The following CELSR2 variants were observed in gnomAD, a reference collection of about 807,000 sequenced individuals.
CELSR2 encodes EGF-like protein 2.
In CELSR2, 81 loss-of-function variants were observed where a neutral mutation model predicts 251.6. That is an observed-to-expected ratio of 0.32 (90% CI 0.27 to 0.39). The LOEUF (loss-of-function observed/expected upper bound fraction) is 0.39, where lower values mean the gene tolerates loss of function less well. CELSR2 is among the 10% of genes least tolerant of loss of function. The probability of loss-of-function intolerance (pLI) is 1.00; values close to 1 mark genes in which losing one functional copy is unlikely to be tolerated. For missense variants in CELSR2, 3,365 were observed against 3,947.7 expected (o/e 0.85, Z 3.96); for synonymous variants, 1,721 against 1,670.5 (o/e 1.03, Z -0.74).
rs1172133936 is a variant in CELSR2, at chr1:109,250,537, C to T, written c.458C>T (p.Ala153Val). The T allele has an allele frequency of 1.2e-6, 2 of 1,613,780 alleles. No individual in the cohort carries two copies. The highest frequency in any genetic ancestry group is 1.7e-6 in the Non-Finnish European group (2 of 1,180,012). ...TGCCAGTCCTGCAAGCTGGCACAGG[C>T]CCCCGGGCTCAGGGCAGGGGAAAGG... ...LRCQSCKLAQ[A>V]PGLRAGERSP... The change falls in exon 1 of 34, where the codon GCC becomes GTC. Residue 153 changes from alanine (A) to valine (V), a missense_variant. Ala to Val is a moderately conservative substitution (Grantham distance 64, BLOSUM62 0). Transcript: ENST00000271332. The surrounding 1 kb of genome is among the most constrained non-coding windows in gnomAD (Gnocchi z 4.4).
chr1:109,266,229 T>A lies in CELSR2; in HGVS notation c.6013+23T>A, dbSNP rs367743366. On this transcript the variant is annotated intron_variant, in intron 15 of 33. Coordinates refer to ENST00000271332, the MANE Select transcript of CELSR2 (RefSeq NM_001408.3). ...TTGGTAGGTGTTGGAGGCCCCGATGTGATGTCGAGGACATGGCCTCTGCTG... is the reference window on the plus strand; with the variant it reads ...TTGGTAGGTGTTGGAGGCCCCGATGAGATGTCGAGGACATGGCCTCTGCTG... 1.4e-5 allele frequency: 22 copies of A among 1,612,884 alleles called. No homozygotes were observed. The African/African-American group carries it at 2.9e-4, about 22-fold the overall frequency.
intron 16 of CELSR2, 53 bp downstream of exon 16, chr1:109,267,695 A>G: frequency 6.3e-7 from 1 of 1,588,586 alleles, no homozygotes; most frequent in Non-Finnish European, 8.6e-7. Flanking sequence ...CCTGAGTCTC[A>G]CTTGCCCCCA....
rs1207031154 is a variant in CELSR2, at chr1:109,254,054, A to T, written c.3310+665A>T. Reference sequence around the variant, plus strand: ...GCCAGAGCTCATTGTCTGTCCAAACAGACCCCACTTTCAGAGTCCGTGGTT... The same window carrying T: ...GCCAGAGCTCATTGTCTGTCCAAACTGACCCCACTTTCAGAGTCCGTGGTT... On this transcript the variant is annotated intron_variant, in intron 1 of 33. Coordinates refer to ENST00000271332, the MANE Select transcript of CELSR2 (RefSeq NM_001408.3). Among the ~76,000 whole-genome samples, 4 of 152,206 alleles carry T rather than the reference A, an allele frequency of 2.6e-5. No individual in the cohort carries two copies. In the East Asian group the frequency reaches 7.7e-4, roughly 29 times the overall value.
chr1:109,252,905 G>A lies in CELSR2; in HGVS notation c.2826G>A (p.Arg942=). 2 of 1,612,560 alleles carry A rather than the reference G, an allele frequency of 1.2e-6. No homozygotes were observed. Among genetic ancestry groups the A allele is most frequent in the South Asian group, 1.1e-5 (1 of 90,872 alleles). ...GCCCCATTGGGCTAGCCGTGGCCCG[G>A]GTCACAGCCACTGACCCCGATGAAG... is the stretch of plus-strand genomic sequence containing the variant. ...ENSPIGLAVA[R]VTATDPDEGT... The change falls in exon 1 of 34, where the codon CGG becomes CGA. Residue 942 remains arginine (R), a synonymous_variant. Transcript: ENST00000271332. The surrounding 1 kb of genome is among the most constrained non-coding windows in gnomAD (Gnocchi z 4.8).
Position 109,274,058 on chromosome 1 carries a change from C to G in CELSR2, c.*9C>G, listed in dbSNP as rs367660647. ...TTAACTTCCTGCATTAACCCTGGGCCGTGGTTCCTACGCCCGAGGCTCCCT... is the reference window on the plus strand; with the variant it reads ...TTAACTTCCTGCATTAACCCTGGGCGGTGGTTCCTACGCCCGAGGCTCCCT... On this transcript the variant is annotated 3_prime_UTR_variant, in exon 34 of 34. Coordinates refer to ENST00000271332, the MANE Select transcript of CELSR2 (RefSeq NM_001408.3). The G allele has an allele frequency of 6.2e-7, 1 of 1,613,978 alleles. No individual in the cohort carries two copies. The highest frequency in any genetic ancestry group is 1.1e-5 in the South Asian group (1 of 91,084).
chr1:109,253,415 G>T (rs1321701986), intron 1 of CELSR2, 26 bp downstream of exon 1: 1 of 1,601,486 alleles, frequency 6.2e-7, no homozygotes, highest in South Asian at 1.1e-5. Context: ...GGTGGCGCTG[G>T]GGTGGGGGTA....
Position 109,262,217 on chromosome 1 carries a change from T to C in CELSR2, c.4387-70T>C, listed in dbSNP as rs527576786. On this transcript the variant is annotated intron_variant, in intron 5 of 33. Transcript: ENST00000271332. ...TGTGGGTGCACACAGAGGCACCCAG[T>C]GTGTGCTGGCCATGAACCTAGTGGG... 318 of 1,574,814 alleles carry C rather than the reference T, an allele frequency of 2.0e-4. 3 individuals are homozygous for C. The South Asian group carries it at 3.4e-3, about 17-fold the overall frequency.
rs976219081 is a variant in CELSR2 at position 109,261,837 on chromosome 1, G to A, written c.4327G>A (p.Val1443Met). The change falls in exon 5 of 34, where the codon GTG (valine) becomes ATG (methionine). Residue 1443 changes from valine to methionine, a missense_variant. This residue lies in a region of CELSR2 where 2,093 missense variants were observed against 2,382.8 expected (regional missense o/e 0.88). Coordinates refer to ENST00000271332, the MANE Select transcript of CELSR2 (RefSeq NM_001408.3). This position sits in a 1 kb window ranked among gnomAD's most constrained non-coding sequence, Gnocchi z 4.8. ...GESTTTVSPF[V>M]PGGVSDGQWH... ...GTCAACCACCACGGTGTCCCCATTC[G>A]TGCCCGGAGGAGTCAGTGATGGCCA... is the stretch of plus-strand genomic sequence containing the variant. 26 of 1,595,028 alleles carry A rather than the reference G, an allele frequency of 1.6e-5. No individual in the cohort carries two copies. Among genetic ancestry groups the A allele is most frequent in the Middle Eastern group, 1.6e-4 (1 of 6,072 alleles).
Position 109,269,975 on chromosome 1 carries a change from C to G in CELSR2, c.7150C>G (p.Leu2384Val), listed in dbSNP as rs773107550. 3.1e-6 allele frequency: 5 copies of G among 1,614,138 alleles called. No homozygotes were observed. The highest frequency in any genetic ancestry group is 1.7e-5 in the Admixed American group (1 of 60,020). Reference sequence around the variant, plus strand: ...ACTGAAGACACTGACATACGTGGCTCTAGGTGTCACCTTGGCTGCCCTTCT... The same window carrying G: ...ACTGAAGACACTGACATACGTGGCTGTAGGTGTCACCTTGGCTGCCCTTCT... ...LPLKTLTYVALGVTLAALLLT... is the reference protein window; with the variant it reads ...LPLKTLTYVAVGVTLAALLLT... The change falls in exon 23 of 34, where the codon CTA becomes GTA. Residue 2384 changes from leucine to valine, a missense_variant. Leu to Val is a conservative substitution (Grantham distance 32). Coordinates refer to ENST00000271332, the MANE Select transcript of CELSR2 (RefSeq NM_001408.3). The surrounding 1 kb of genome is among the most constrained non-coding windows in gnomAD (Gnocchi z 6.4).
intron 7 of CELSR2, 26 bp from the exon 8 acceptor site, chr1:109,263,116 A>T: frequency 1.9e-6 from 3 of 1,588,866 alleles, no homozygotes; most frequent in Non-Finnish European, 2.6e-6. Flanking sequence ...GCTCAGGTCC[A>T]CTGAGCTGCC....
intron 23 of CELSR2, 39 bp from the exon 24 acceptor site, chr1:109,270,387 G>A (rs771917426): frequency 4.4e-6 from 7 of 1,608,164 alleles, no homozygotes; most frequent in Middle Eastern, 1.7e-4. Context: ...TGCTCTGGGC[G>A]GGCCCCGGTC....
In CELSR2 at chr1:109,273,248, T is replaced by C; in HGVS notation, c.8421T>C (p.Pro2807=). The C allele has an allele frequency of 6.2e-7, 1 of 1,612,558 alleles. No homozygotes were observed. The highest frequency in any genetic ancestry group is 8.5e-7 in the Non-Finnish European group (1 of 1,179,338). The change falls in exon 32 of 34, where the codon CCT becomes CCC. Residue 2807 remains proline (P), a synonymous_variant. Coordinates refer to ENST00000271332, the MANE Select transcript of CELSR2 (RefSeq NM_001408.3). The part of the protein sequence containing the change: ...TAKESSGNGA[P]EERLRENGDA... Reference sequence around the variant, plus strand: ...AAGAGAGTAGTGGCAACGGGGCCCCTGAGGAGCGGCTGCGGGAGAATGGAG... The same window carrying C: ...AAGAGAGTAGTGGCAACGGGGCCCCCGAGGAGCGGCTGCGGGAGAATGGAG...
intron 1 of CELSR2, among the ~76,000 whole-genome samples, chr1:109,254,402 T>G (rs921638346): frequency 6.6e-6 from 1 of 152,178 alleles, no homozygotes; most frequent in Non-Finnish European, 1.5e-5. Flanking sequence ...ACAGCAGGGC[T>G]GGGGGAGGAG....
In CELSR2 at chr1:109,274,061, G is replaced by A. The variant is rs1557738888; in HGVS notation, c.*12G>A. On this transcript the variant is annotated 3_prime_UTR_variant, in exon 34 of 34. Coordinates refer to ENST00000271332, the MANE Select transcript of CELSR2 (RefSeq NM_001408.3). Reference sequence around the variant, plus strand: ...ACTTCCTGCATTAACCCTGGGCCGTGGTTCCTACGCCCGAGGCTCCCTTCC... The same window carrying A: ...ACTTCCTGCATTAACCCTGGGCCGTAGTTCCTACGCCCGAGGCTCCCTTCC... 1 of 1,614,054 alleles carries A rather than the reference G, an allele frequency of 6.2e-7. No homozygotes were observed. The highest frequency in any genetic ancestry group is 8.5e-7 in the Non-Finnish European group (1 of 1,180,008).
At chr1:109,256,644 T>TTTTG (rs71069670) in intron 1 of CELSR2, among the ~76,000 whole-genome samples, 32,557 of 151,474 alleles carry the variant, frequency 0.21, 5,059 homozygotes, top group African/African-American at 0.44. Context: ...TGCTATGTGG[T>TTTTG]TTTGTTTGTT....
chr1:109,252,699 C>T lies in CELSR2; in HGVS notation c.2620C>T (p.Arg874Ter). Residue 874 changes from arginine to a stop codon, truncating the protein, a stop_gained, in exon 1 of 34, where the codon CGA (arginine) becomes TGA (stop). Transcript: ENST00000271332. LOFTEE classifies it high-confidence loss of function. This position sits in a 1 kb window ranked among gnomAD's most constrained non-coding sequence, Gnocchi z 4.8. ...TGTTGAGTCCACGTCAGGCATCGTG[C>T]GAACGCTACGGAGGCTGGATCGAGA... ...FIVESTSGIV[R>*]TLRRLDRENV... 3 of 1,613,986 alleles carry T rather than the reference C, an allele frequency of 1.9e-6. No individual in the cohort carries two copies. The highest frequency in any genetic ancestry group is 2.5e-6 in the Non-Finnish European group (3 of 1,180,022).
At position 109,250,818 on chromosome 1, in the gene CELSR2, C is replaced by A. The variant is rs1231547302; in HGVS notation, c.739C>A (p.Leu247Met). Residue 247 changes from leucine (L) to methionine (M), a missense_variant, in exon 1 of 34, where the codon CTG (leucine) becomes ATG (methionine). This residue lies in a region of CELSR2 where 704 missense variants were observed against 784.1 expected (regional missense o/e 0.90). Transcript: ENST00000271332. This position sits in a 1 kb window ranked among gnomAD's most constrained non-coding sequence, Gnocchi z 4.4. ...VTGAVTTAEE[L>M]DRETKSTHVF... ...TGGTGCAGTAACCACAGCCGAGGAG[C>A]TGGATCGTGAGACCAAGAGCACCCA... 1 of 1,614,074 alleles carries A rather than the reference C, an allele frequency of 6.2e-7. No individual in the cohort carries two copies. The highest frequency in any genetic ancestry group is 8.5e-7 in the Non-Finnish European group (1 of 1,180,024).
In CELSR2 at chr1:109,263,020, G is replaced by A. The variant is rs771393903; in HGVS notation, c.4708+51G>A. ...GCTGGGATCCCAGTGCTGAGAGGAG[G>A]GGCTGTGCCTGGTGTGAGGATGCCA... is the stretch of plus-strand genomic sequence containing the variant. On this transcript the variant is annotated intron_variant, in intron 7 of 33. Transcript: ENST00000271332. The A allele has an allele frequency of 1.4e-5, 22 of 1,597,750 alleles. No individual in the cohort carries two copies. In the South Asian group the frequency reaches 2.3e-4, roughly 17 times the overall value.
At position 109,252,213 on chromosome 1, in the gene CELSR2, T is replaced by C. The variant is rs1382315987; in HGVS notation, c.2134T>C (p.Phe712Leu). 2 of 1,613,724 alleles carry C rather than the reference T, an allele frequency of 1.2e-6. No homozygotes were observed. Among genetic ancestry groups the C allele is most frequent in the Non-Finnish European group, 1.7e-6 (2 of 1,180,038 alleles). Reference sequence around the variant, plus strand: ...CGACGCCAACACCCATCGTCCTGTCTTTCAGAGCTCCCACTATACAGTGAA... The same window carrying C: ...CGACGCCAACACCCATCGTCCTGTCCTTCAGAGCTCCCACTATACAGTGAA... ...VTDANTHRPVFQSSHYTVNVN... is the reference protein window; with the variant it reads ...VTDANTHRPVLQSSHYTVNVN... The change falls in exon 1 of 34, where the codon TTT becomes CTT. Residue 712 changes from phenylalanine to leucine, a missense_variant. Around this residue, in one of 5 missense-constraint regions of CELSR2, gnomAD observed 505 missense variants for 660.0 expected, o/e 0.77. Coordinates refer to ENST00000271332, the MANE Select transcript of CELSR2 (RefSeq NM_001408.3). This position sits in a 1 kb window ranked among gnomAD's most constrained non-coding sequence, Gnocchi z 4.8.
Sources: allele counts gnomAD v4.1 joint callset (sites outside exome capture counted in the v4.1 genomes callset), GRCh38; gene constraint gnomAD v4.1.1; regional missense constraint gnomAD v4.1.1; non-coding constraint Gnocchi (gnomAD v3.1); transcripts MANE v1.5; gene names NCBI Gene and HGNC (gene_info 2026-07-23, HGNC 2026-07-21).